WDR11: variants seen among roughly 807,000 people sequenced by gnomAD.
WDR11 encodes the protein WD repeat domain 11.
WDR11 carries 83 observed loss-of-function variants against 151.2 expected under a neutral mutation model. The observed-to-expected ratio is 0.55, with a 90% CI of 0.46 to 0.66. The LOEUF is 0.66. Among genes scored for constraint, WDR11 ranks in the 30% least tolerant of loss-of-function variants. WDR11 has a pLI of 0.00. For synonymous variants in WDR11, 484 were observed against 533.1 expected (o/e 0.91, Z 1.27); for missense variants, 1,301 against 1,480.9 (o/e 0.88, Z 1.99).
chr10:120,894,912 A>G (rs1454492558), intron 19 of WDR11, among the ~76,000 whole-genome samples: 1 of 129,544 alleles, frequency 7.7e-6, no homozygotes, highest in Non-Finnish European at 1.6e-5. Context: ...AAAGATTTCA[A>G]TTCATTTGAG....
chr10:120,897,232 C>T (rs1166409953), intron 19 of WDR11, among the ~76,000 whole-genome samples: 6 of 152,098 alleles, frequency 3.9e-5, no homozygotes, highest in Admixed American at 2.6e-4. Flanking sequence ...AGCAAAAGCT[C>T]AGGTGGACAG....
intron 18 of WDR11, 34 bp from the exon 19 acceptor site, chr10:120,890,682 T>C: frequency 6.2e-7 from 1 of 1,613,682 alleles, no homozygotes; most frequent in African/African-American, 1.3e-5. Flanking sequence ...CTTCCTTTTC[T>C]GTCTGGAAGT....
chr10:120,880,875 CG>C lies in WDR11; in HGVS notation c.1714del (p.Glu572LysfsTer2). On this transcript the variant is annotated frameshift_variant, in exon 13 of 29. Coordinates refer to ENST00000263461, the MANE Select transcript of WDR11 (RefSeq NM_018117.12). LOFTEE classifies it high-confidence loss of function. Reference sequence around the variant, plus strand: ...AAAGAGGCAATGATGAATCTGCCATCGAAATGATTAAAGTATCTCATTTGAA... The same window carrying C: ...AAAGAGGCAATGATGAATCTGCCATCAAATGATTAAAGTATCTCATTTGAA... ...GERGNDESAI[E>X]MIKVSHLKQY... The C allele has an allele frequency of 6.2e-7, 1 of 1,602,744 alleles. No homozygotes were observed. The highest frequency in any genetic ancestry group is 8.5e-7 in the Non-Finnish European group (1 of 1,173,006).
chr10:120,874,601 T>A (rs1375470842), intron 11 of WDR11, among the ~76,000 whole-genome samples: 2 of 151,806 alleles, frequency 1.3e-5, no homozygotes, highest in Non-Finnish European at 2.9e-5. Flanking sequence ...GTTGTTCCCC[T>A]CCCTGTGTCC....
At chr10:120,853,583 T>C (rs1015651339) in intron 2 of WDR11, among the ~76,000 whole-genome samples, 1 of 151,928 alleles carries the variant, frequency 6.6e-6, no homozygotes, top group African/African-American at 2.4e-5. Flanking sequence ...GATTTTTGAG[T>C]AGGAGATTGA....
chr10:120,880,987 G>C, intron 13 of WDR11, 86 bp downstream of exon 13: 1 of 1,189,190 alleles, frequency 8.4e-7, no homozygotes, highest in Non-Finnish European at 1.2e-6. Context: ...ATGGGAATGT[G>C]CTGGAATGCA....
At chr10:120,885,290 C>G (rs1404081412) in intron 14 of WDR11, among the ~76,000 whole-genome samples, 1 of 150,152 alleles carries the variant, frequency 6.7e-6, no homozygotes, top group Non-Finnish European at 1.5e-5. Flanking sequence ...TATATATACA[C>G]ACACACACAC....
In WDR11 at chr10:120,890,762, G is replaced by A. The variant is rs778731385; in HGVS notation, c.2390G>A (p.Arg797His). The A allele has an allele frequency of 5.6e-5, 91 of 1,614,022 alleles. 1 individual carries two copies. The East Asian group carries it at 1.0e-3, about 18-fold the overall frequency. The stretch of plus-strand genomic sequence containing the variant: ...AGAAGTGGCAGAAATGTGACCTTTC[G>A]TATATTGGATGTGGACTGGTGTACG... ...SLRSGRNVTF[R>H]ILDVDWCTSD... Residue 797 changes from arginine (R) to histidine (H), a missense_variant, in exon 19 of 29, where the codon CGT becomes CAT. This residue lies in a region of WDR11 where 589 missense variants were observed against 670.6 expected (regional missense o/e 0.88). Coordinates refer to ENST00000263461, the MANE Select transcript of WDR11 (RefSeq NM_018117.12).
rs1261710150 is a variant in WDR11, at chr10:120,901,104, C to T, written c.2687+6C>T. On this transcript the variant is annotated splice_donor_region_variant and intron_variant, in intron 21 of 28. Coordinates refer to ENST00000263461, the MANE Select transcript of WDR11 (RefSeq NM_018117.12). ...CAGTTGAATTCATTGTCTAAGTAAGCACTCCATGTTTCATTAGAAGATAGG... is the reference window on the plus strand; with the variant it reads ...CAGTTGAATTCATTGTCTAAGTAAGTACTCCATGTTTCATTAGAAGATAGG... 1.9e-6 allele frequency: 3 copies of T among 1,600,620 alleles called. No homozygotes were observed. Among genetic ancestry groups the T allele is most frequent in the Non-Finnish European group, 2.6e-6 (3 of 1,168,020 alleles).
chr10:120,903,291 G>A, intron 23 of WDR11, 59 bp downstream of exon 23: 6 of 1,590,832 alleles, frequency 3.8e-6, no homozygotes, highest in Non-Finnish European at 5.2e-6. Flanking sequence ...TTATATCTTT[G>A]TCAATATCTT....
At chr10:120,869,236 G>A (rs1033580897) in intron 9 of WDR11, among the ~76,000 whole-genome samples, 52 of 146,388 alleles carry the variant, frequency 3.6e-4, no homozygotes, top group East Asian at 8.6e-4. Context: ...TCAGCCTCCC[G>A]CGTAGCTGGG....
rs1366460077 is a variant in WDR11 at position 120,904,680 on chromosome 10, G to C, written c.3062G>C (p.Ser1021Thr). 2 of 1,614,178 alleles carry C rather than the reference G, an allele frequency of 1.2e-6. No homozygotes were observed. Among genetic ancestry groups the C allele is most frequent in the East Asian group, 4.5e-5 (2 of 44,888 alleles). The change falls in exon 25 of 29, where the codon AGT becomes ACT. Residue 1021 changes from serine to threonine, a missense_variant. By Grantham distance (58) the Ser-to-Thr change is moderately conservative. Transcript: ENST00000263461. ...DRAVQLLLETSADNQHYYCDS... is the reference protein window; with the variant it reads ...DRAVQLLLETTADNQHYYCDS... ...GCTGTGCAGTTGCTGTTGGAAACAA[G>C]TGCAGATAACCAGCATTATTACTGT...
At chr10:120,905,667 A>C in intron 26 of WDR11, 1 of 919,108 alleles carries the variant, frequency 1.1e-6, no homozygotes, top group Non-Finnish European at 1.6e-6. Flanking sequence ...CTGAGCCGAA[A>C]CTACAGTCCA....
At chr10:120,871,108 T>G in intron 9 of WDR11, 62 bp from the exon 10 acceptor site, 1 of 1,562,974 alleles carries the variant, frequency 6.4e-7, no homozygotes, top group Non-Finnish European at 8.7e-7. Context: ...AAAATTTTCT[T>G]TAGCTTTTTA....
chr10:120,862,122 T>A (rs1407176614), intron 4 of WDR11, among the ~76,000 whole-genome samples: 1 of 148,562 alleles, frequency 6.7e-6, no homozygotes, highest in Non-Finnish European at 1.5e-5. Context: ...TTTTTTTGTT[T>A]GTTTGTTTTT....
intron 19 of WDR11, among the ~76,000 whole-genome samples, chr10:120,891,631 A>G (rs184450850): frequency 2.6e-5 from 4 of 152,268 alleles, no homozygotes; most frequent in Admixed American, 2.6e-4. Flanking sequence ...TTTGGTGCAC[A>G]CTCTAGGCTG....
chr10:120,852,800 A>G (rs1845826192), intron 2 of WDR11, among the ~76,000 whole-genome samples, 165 bp downstream of exon 2: 1 of 152,250 alleles, frequency 6.6e-6, no homozygotes, highest in African/African-American at 2.4e-5. Flanking sequence ...CTTAATGTCA[A>G]TACAGGGTGA....
At chr10:120,851,609 A>G (rs547734491) in intron 1 of WDR11, 103 bp downstream of exon 1, 2 of 1,431,946 alleles carry the variant, frequency 1.4e-6, no homozygotes, top group Admixed American at 2.0e-5. Flanking sequence ...TGGCCTCGCT[A>G]AGGCAGGGAG....
intron 3 of WDR11, 143 bp downstream of exon 3, chr10:120,858,939 T>C: frequency 9.7e-7 from 1 of 1,027,488 alleles, no homozygotes; most frequent in South Asian, 1.4e-5. Flanking sequence ...ATTCTGCTGA[T>C]CTAAATCTGG....
Sources: allele counts gnomAD v4.1 joint callset (sites outside exome capture counted in the v4.1 genomes callset), GRCh38; gene constraint gnomAD v4.1.1; regional missense constraint gnomAD v4.1.1; transcripts MANE v1.5; gene names NCBI Gene and HGNC (gene_info 2026-07-23, HGNC 2026-07-21).